The following MORN4 variants were observed in gnomAD, a reference collection of about 807,000 sequenced individuals.
MORN4 encodes the protein MORN repeat-containing protein 4.
In MORN4, 8 loss-of-function variants were observed where a neutral mutation model predicts 16.4. That is an observed-to-expected ratio of 0.49 (90% CI 0.29 to 0.88). The LOEUF (loss-of-function observed/expected upper bound fraction) is 0.88. Among genes scored for constraint, MORN4 ranks in the 40% least tolerant of loss-of-function variants. MORN4 has a pLI of 0.09. For synonymous variants in MORN4, 53 were observed against 68.9 expected (o/e 0.77, Z 1.14); for missense variants, 159 against 182.9 (o/e 0.87, Z 0.75).
At chr10:97,619,565 A>G in intron 2 of MORN4, 22 bp downstream of exon 2, 1 of 1,554,742 alleles carries the variant, frequency 6.4e-7, no homozygotes, top group Non-Finnish European at 8.9e-7. Context: ...CATCATGGAT[A>G]CTCCCCAGGG....
intron 1 of MORN4, among the ~76,000 whole-genome samples, chr10:97,626,889 C>T (rs1028309882): frequency 1.3e-5 from 2 of 151,606 alleles, no homozygotes; most frequent in Non-Finnish European, 2.9e-5. Flanking sequence ...TCCCAAGTAG[C>T]TGGGATTACA....
At chr10:97,633,794 C>G (rs2041418868), upstream of MORN4, among the ~76,000 whole-genome samples, 1 of 152,214 alleles carries the variant, frequency 6.6e-6, no homozygotes, top group Admixed American at 6.5e-5. The surrounding 1 kb of genome is among the most constrained non-coding windows in gnomAD (Gnocchi z 4.5). Flanking sequence ...TGCTCCAGTC[C>G]CCACTGCTGT....
chr10:97,622,994 G>A (rs925510342), intron 1 of MORN4, among the ~76,000 whole-genome samples: 2 of 151,666 alleles, frequency 1.3e-5, no homozygotes, highest in African/African-American at 2.4e-5. Context: ...AAGGCATCCC[G>A]TCACCTCAGT....
chr10:97,631,548 A>G (rs1369390664), intron 1 of MORN4, among the ~76,000 whole-genome samples: 1 of 151,774 alleles, frequency 6.6e-6, no homozygotes, highest in Non-Finnish European at 1.5e-5. Context: ...ATCGTTTTCT[A>G]ATTTTAAGAA....
In MORN4 at chr10:97,633,494, C is replaced by T. The variant is rs764379193; in HGVS notation, c.-178G>A. On this transcript the variant is annotated 5_prime_UTR_variant, in exon 1 of 5. Transcript: ENST00000307450. The surrounding 1 kb of genome is among the most constrained non-coding windows in gnomAD (Gnocchi z 4.5). ...CACTTGACGCCGCCATCCTGGGCGA[C>T]CGCACTGGGTACAATTCCCGCTGCC... 7.8e-7 allele frequency: 1 copy of T among 1,289,852 alleles called. No individual in the cohort carries two copies. The highest frequency in any genetic ancestry group is 1.2e-5 in the South Asian group (1 of 81,038). 79.9% of individuals were successfully genotyped at this position (1,289,852 alleles called of 1,614,324 possible).
At chr10:97,625,623 C>G (rs1349846246) in intron 1 of MORN4, among the ~76,000 whole-genome samples, 1 of 152,186 alleles carries the variant, frequency 6.6e-6, no homozygotes, top group Non-Finnish European at 1.5e-5. Flanking sequence ...CAATGTAATT[C>G]AAACAACACT....
At chr10:97,632,208 T>TC (rs1409311976) in intron 1 of MORN4, among the ~76,000 whole-genome samples, 75 of 122,328 alleles carry the variant, frequency 6.1e-4, no homozygotes, top group African/African-American at 1.4e-3. Context: ...CAAATAATAC[T>TC]CCCCTTTTTT....
chr10:97,630,444 A>G (rs2041386960), intron 1 of MORN4, among the ~76,000 whole-genome samples: 1 of 152,186 alleles, frequency 6.6e-6, no homozygotes, highest in South Asian at 2.1e-4. Flanking sequence ...CCATGTTTCA[A>G]CCTAACCCTC....
At chr10:97,628,525 A>G (rs1441564410) in intron 1 of MORN4, among the ~76,000 whole-genome samples, 1 of 150,626 alleles carries the variant, frequency 6.6e-6, no homozygotes, top group Non-Finnish European at 1.5e-5. Context: ...ACACCTAACC[A>G]CTTTTTTTCT....
At position 97,616,778 on chromosome 10, in the gene MORN4, C is replaced by A. The variant is rs200427794; in HGVS notation, c.192G>T (p.Gly64=). Residue 64 remains glycine, a synonymous_variant, in exon 4 of 5, where the codon GGG becomes GGT. Transcript: ENST00000307450. ...CATTAAACTTGCCCTGGGCAAACTCCCCCTCATACCTGCAGAAACACCAAG... is the reference window on the plus strand; with the variant it reads ...CATTAAACTTGCCCTGGGCAAACTCACCCTCATACCTGCAGAAACACCAAG... ...LTFSDGSRYE[G]EFAQGKFNGV... is the part of the protein sequence containing the mutation. The A allele has an allele frequency of 4.6e-5, 74 of 1,611,868 alleles. No homozygotes were observed. In the East Asian group the frequency reaches 1.5e-3, roughly 33 times the overall value.
chr10:97,628,858 A>G (rs987530787), intron 1 of MORN4, among the ~76,000 whole-genome samples: 4 of 152,182 alleles, frequency 2.6e-5, no homozygotes, highest in Non-Finnish European at 5.9e-5. Flanking sequence ...GTATGCTGTT[A>G]GCTCTTGGGG....
intron 1 of MORN4, among the ~76,000 whole-genome samples, chr10:97,628,142 A>C (rs2041363434): frequency 6.6e-6 from 1 of 152,236 alleles, no homozygotes; most frequent in East Asian, 1.9e-4. Context: ...ATCAGTTAGA[A>C]TCTGAAGGGC....
At chr10:97,622,708 A>AAAAAAAAC (rs1310427791) in intron 1 of MORN4, among the ~76,000 whole-genome samples, 2 of 151,146 alleles carry the variant, frequency 1.3e-5, no homozygotes, top group African/African-American at 4.9e-5. Flanking sequence ...AAAAAAAAAA[A>AAAAAAAAC]AACGGAAGAA....
At chr10:97,623,438 C>T (rs1163306846) in intron 1 of MORN4, among the ~76,000 whole-genome samples, 1 of 151,846 alleles carries the variant, frequency 6.6e-6, no homozygotes, top group Non-Finnish European at 1.5e-5. Flanking sequence ...AGACCCTGTC[C>T]CCCTCCAAAA....
At chr10:97,631,429 G>A (rs952439109) in intron 1 of MORN4, among the ~76,000 whole-genome samples, 6 of 151,952 alleles carry the variant, frequency 3.9e-5, no homozygotes, top group Non-Finnish European at 8.8e-5. Context: ...CATATTCCTG[G>A]TATCTTCATT....
At position 97,633,499 on chromosome 10, in the gene MORN4, C is replaced by T. The variant is rs569981818; in HGVS notation, c.-183G>A. On this transcript the variant is annotated 5_prime_UTR_variant, in exon 1 of 5. In the 5' UTR this introduces an upstream ATG that the reference lacks. Transcript: ENST00000307450. The surrounding 1 kb of genome is among the most constrained non-coding windows in gnomAD (Gnocchi z 4.5). ...GACGCCGCCATCCTGGGCGACCGCA[C>T]TGGGTACAATTCCCGCTGCCCATTG... The T allele has an allele frequency of 4.2e-5, 54 of 1,289,878 alleles. No homozygotes were observed. The African/African-American group carries it at 5.9e-4, about 14-fold the overall frequency. 79.9% of individuals were successfully genotyped at this position (1,289,878 alleles called of 1,614,324 possible).
Position 97,633,498 on chromosome 10 carries a change from A to G in MORN4, c.-182T>C, listed in dbSNP as rs761904378. On this transcript the variant is annotated 5_prime_UTR_variant, in exon 1 of 5. Coordinates refer to ENST00000307450, the MANE Select transcript of MORN4 (RefSeq NM_178832.4). The surrounding 1 kb of genome is among the most constrained non-coding windows in gnomAD (Gnocchi z 4.5). ...TGACGCCGCCATCCTGGGCGACCGCACTGGGTACAATTCCCGCTGCCCATT... is the reference window on the plus strand; with the variant it reads ...TGACGCCGCCATCCTGGGCGACCGCGCTGGGTACAATTCCCGCTGCCCATT... The G allele has an allele frequency of 1.6e-4, 208 of 1,289,794 alleles. No individual in the cohort carries two copies. Among genetic ancestry groups the G allele is most frequent in the Middle Eastern group, 2.1e-4 (1 of 4,696 alleles). The allele number at this position is 1,289,794 out of a possible 1,614,324, so 79.9% of individuals were successfully genotyped here. A position where few individuals can be genotyped will look rare whatever the true frequency, so the allele number is the denominator to read the frequency against.
intron 2 of MORN4, 71 bp downstream of exon 2, chr10:97,619,516 T>C (rs746946175): frequency 4.0e-5 from 44 of 1,111,060 alleles, no homozygotes; most frequent in Middle Eastern, 1.9e-4. Flanking sequence ...AAGTTGGCTA[T>C]ATATCCTGAT....
chr10:97,628,595 A>G (rs547704406), intron 1 of MORN4, among the ~76,000 whole-genome samples: 51 of 151,134 alleles, frequency 3.4e-4, no homozygotes, highest in African/African-American at 1.2e-3. Flanking sequence ...GTCTAATGGC[A>G]TGATCTTGGC....
Sources: gnomAD v4.1 joint callset for allele counts (sites outside exome capture counted in the v4.1 genomes callset) on GRCh38, gnomAD v4.1.1 for gene constraint, Gnocchi (gnomAD v3.1) non-coding constraint, MANE v1.5 for transcripts, NCBI Gene and HGNC (gene_info 2026-07-23, HGNC 2026-07-21) for gene names.